The following POU2F1 variants were observed in gnomAD, a reference collection of about 807,000 sequenced individuals.
The protein encoded by POU2F1 is POU domain, class 2, transcription factor 1.
Under a neutral mutation model 84.9 loss-of-function variants are expected in POU2F1, and 16 were observed. The observed-to-expected ratio is 0.19, with a 90% CI of 0.13 to 0.29. The LOEUF is 0.29. Ranked by LOEUF, POU2F1 falls within the 10% of genes least tolerant of loss-of-function variation. POU2F1 has a pLI of 1.00. For missense variants in POU2F1, 738 were observed against 942.6 expected (o/e 0.78, Z 2.84); for synonymous variants, 368 against 368.3 (o/e 1.00, Z 0.01).
intron 1 of POU2F1, among the ~76,000 whole-genome samples, chr1:167,304,829 A>G (rs1654945835): frequency 6.6e-6 from 1 of 152,250 alleles, no homozygotes; most frequent in South Asian, 2.1e-4. Context: ...TATAGTTGAT[A>G]AGCAATAATT....
intron 9 of POU2F1, among the ~76,000 whole-genome samples, chr1:167,394,315 C>T (rs1648649502): frequency 1.3e-5 from 2 of 152,080 alleles, no homozygotes; most frequent in African/African-American, 4.8e-5. Flanking sequence ...GCCACCGTGC[C>T]CTGCCTGAAT....
At chr1:167,393,275 G>T (rs1423524132) in intron 9 of POU2F1, among the ~76,000 whole-genome samples, 1 of 152,104 alleles carries the variant, frequency 6.6e-6, no homozygotes, top group Non-Finnish European at 1.5e-5. Context: ...AGCCTGTACC[G>T]AATTAATGAA....
intron 1 of POU2F1, among the ~76,000 whole-genome samples, chr1:167,222,314 T>C (rs1005722092): frequency 6.6e-6 from 1 of 152,156 alleles, no homozygotes; most frequent in Non-Finnish European, 1.5e-5. Context: ...CTGAACCTCT[T>C]CTCATTTGAA....
intron 1 of POU2F1, chr1:167,319,089 G>T: frequency 6.5e-6 from 1 of 153,438 alleles, no homozygotes; most frequent in South Asian, 1.8e-4. Flanking sequence ...TGTTGCTCAT[G>T]ACAGTTGAGG....
intron 1 of POU2F1, among the ~76,000 whole-genome samples, chr1:167,260,045 A>AT (rs906811589): frequency 2.3e-4 from 35 of 151,834 alleles, no homozygotes; most frequent in Non-Finnish European, 3.8e-4. Flanking sequence ...CGCCCGGCAA[A>AT]TTTTTTGTAT....
At chr1:167,305,823 C>T (rs1386031114) in intron 1 of POU2F1, among the ~76,000 whole-genome samples, 1 of 151,928 alleles carries the variant, frequency 6.6e-6, no homozygotes. Flanking sequence ...AGTTGATTAC[C>T]CTAAGTACAC....
chr1:167,406,369 C>A (rs758601347), intron 13 of POU2F1, among the ~76,000 whole-genome samples: 2 of 152,150 alleles, frequency 1.3e-5, no homozygotes, highest in African/African-American at 4.8e-5. Flanking sequence ...GGAACTGCCT[C>A]ACCTGATAAA....
chr1:167,332,545 T>G lies in POU2F1; in HGVS notation c.127+10T>G. The stretch of plus-strand genomic sequence containing the variant: ...GGAGATGGCAACACAGGTAAGAGTT[T>G]TCTGATCTAGCTTTTTAATTAACTC... On this transcript the variant is annotated intron_variant, in intron 2 of 15. Coordinates refer to ENST00000367866, the MANE Select transcript of POU2F1 (RefSeq NM_002697.4). The G allele has an allele frequency of 1.3e-6, 2 of 1,585,126 alleles. No individual in the cohort carries two copies. Among genetic ancestry groups the G allele is most frequent in the Non-Finnish European group, 1.7e-6 (2 of 1,154,064 alleles).
intron 2 of POU2F1, among the ~76,000 whole-genome samples, chr1:167,360,152 G>T (rs1659259990): frequency 6.6e-6 from 1 of 151,788 alleles, no homozygotes. Flanking sequence ...TTTGATAGTT[G>T]GTTTTGGCCC....
intron 2 of POU2F1, among the ~76,000 whole-genome samples, chr1:167,340,248 T>C (rs1255581602): frequency 1.3e-5 from 2 of 151,206 alleles, no homozygotes; most frequent in Non-Finnish European, 2.9e-5. Flanking sequence ...GCCTGACTAA[T>C]TTTGTATTTT....
intron 1 of POU2F1, among the ~76,000 whole-genome samples, chr1:167,319,471 C>A (rs1244603158): frequency 1.3e-5 from 2 of 152,012 alleles, no homozygotes; most frequent in African/African-American, 4.8e-5. Flanking sequence ...TGTTTCCCCC[C>A]TTTTGCTTTT....
At position 167,416,087 on chromosome 1, in the gene POU2F1, T is replaced by TAAAAAAAAAAAAAAAAAAG; in HGVS notation, c.*295_*296insGAAAAAAAAAAAAAAAAAA. On this transcript the variant is annotated 3_prime_UTR_variant, in exon 16 of 16. Coordinates refer to ENST00000367866, the MANE Select transcript of POU2F1 (RefSeq NM_002697.4). ...ATTGGAGAACTTTCTAACCAAAAAT[T>TAAAAAAAAAAAAAAAAAAG]AAAAAAAAAAAAAAAAAAAGAAACA... is the stretch of plus-strand genomic sequence containing the variant. The TAAAAAAAAAAAAAAAAAAG allele has an allele frequency of 5.7e-6, 2 of 351,044 alleles. No individual in the cohort carries two copies. The highest frequency in any genetic ancestry group is 1.0e-5 in the Non-Finnish European group (2 of 192,874). 21.7% of individuals were successfully genotyped at this position (351,044 alleles called of 1,614,324 possible). A position where few individuals can be genotyped will look rare whatever the true frequency, so the allele number is the denominator to read the frequency against.
intron 1 of POU2F1, among the ~76,000 whole-genome samples, chr1:167,253,669 C>T (rs779300949): frequency 9.2e-5 from 14 of 152,028 alleles, no homozygotes; most frequent in South Asian, 2.1e-4. Flanking sequence ...TCAAGTGATC[C>T]GCCGGCCTTG....
intron 1 of POU2F1, among the ~76,000 whole-genome samples, chr1:167,284,104 G>C (rs191305553): frequency 1.3e-5 from 2 of 152,252 alleles, no homozygotes; most frequent in East Asian, 1.9e-4. Context: ...TGTGGTATCA[G>C]AACAATTTTT....
Position 167,280,373 on chromosome 1 carries a change from T to C in POU2F1, c.62-52097T>C, listed in dbSNP as rs190576430. Among the ~76,000 whole-genome samples the C allele has an allele frequency of 4.2e-3, 637 of 151,936 alleles. 10 individuals are homozygous for C. The highest frequency in any genetic ancestry group is 0.015 in the African/African-American group (614 of 41,448). ...CTGTTATGTAGGGTTTTTTTTTTTT[T>C]CAGACTTTTAGTTTTTATAGCTAGT... On this transcript the variant is annotated intron_variant, in intron 1 of 15. Coordinates refer to ENST00000367866, the MANE Select transcript of POU2F1 (RefSeq NM_002697.4).
intron 6 of POU2F1, among the ~76,000 whole-genome samples, chr1:167,375,029 TA>T (rs879295202): frequency 4.5e-3 from 603 of 133,530 alleles, no homozygotes; most frequent in Middle Eastern, 0.016. Flanking sequence ...ATCGCGCCAC[TA>T]AAAAAAAAAA....
chr1:167,359,458 T>G (rs149278160), intron 2 of POU2F1, among the ~76,000 whole-genome samples: 1 of 152,350 alleles, frequency 6.6e-6, no homozygotes, highest in East Asian at 1.9e-4. Context: ...TCTGTTCCTG[T>G]GTTAATTCAC....
rs202003143 is a variant in POU2F1 at position 167,403,164 on chromosome 1, T to TG, written c.1555+1609dup. Among the ~76,000 whole-genome samples, 65 of 152,222 alleles carry TG rather than the reference T, an allele frequency of 4.3e-4. 1 individual carries two copies. In the East Asian group the frequency reaches 0.011, roughly 26 times the overall value. ...GACACGTTGATAATTTTTCCTGGAG[T>TG]GAATTTTTTTTAATTATTAAAAACA... is the stretch of plus-strand genomic sequence containing the variant. On this transcript the variant is annotated intron_variant, in intron 13 of 15. Coordinates refer to ENST00000367866, the MANE Select transcript of POU2F1 (RefSeq NM_002697.4).
chr1:167,379,967 T>G (rs1452666084), intron 7 of POU2F1: 1 of 152,226 alleles, frequency 6.6e-6, no homozygotes, highest in Non-Finnish European at 1.5e-5. Context: ...GCACAGATAA[T>G]GTAATACTGA....
Sources: gnomAD v4.1 joint callset for allele counts (sites outside exome capture counted in the v4.1 genomes callset) on GRCh38, gnomAD v4.1.1 for gene constraint, MANE v1.5 for transcripts, NCBI Gene and HGNC (gene_info 2026-07-23, HGNC 2026-07-21) for gene names.